Variants in FSTL5 observed in about 807,000 individuals in gnomAD.
FSTL5 encodes the protein follistatin-related protein 5.
FSTL5 carries 62 observed loss-of-function variants against 89.1 expected under a neutral mutation model. That is an observed-to-expected ratio of 0.70 (90% CI 0.57 to 0.86). The LOEUF (loss-of-function observed/expected upper bound fraction) is 0.86. Among genes scored for constraint, FSTL5 ranks in the 40% least tolerant of loss-of-function variants. FSTL5 has a pLI of 0.00. For missense variants in FSTL5, 1,057 were observed against 1,001.6 expected (o/e 1.06, Z -0.75); for synonymous variants, 383 against 346.2 (o/e 1.11, Z -1.18).
chr4:161,942,660 T>C (rs2110927541), intron 3 of FSTL5, among the ~76,000 whole-genome samples: 1 of 152,196 alleles, frequency 6.6e-6, no homozygotes, highest in Non-Finnish European at 1.5e-5. Flanking sequence ...GAAGCCAGAA[T>C]AACTGTCACA....
chr4:161,478,796 T>C (rs1479070686), intron 13 of FSTL5, among the ~76,000 whole-genome samples: 2 of 152,026 alleles, frequency 1.3e-5, no homozygotes, highest in East Asian at 3.9e-4. Context: ...TTTAAGCAAG[T>C]AGGTAACTAC....
chr4:161,635,531 T>A (rs1735658511), intron 7 of FSTL5, among the ~76,000 whole-genome samples: 1 of 151,342 alleles, frequency 6.6e-6, no homozygotes, highest in African/African-American at 2.4e-5. Context: ...TAACATCATA[T>A]AATACAAAAT....
intron 10 of FSTL5, among the ~76,000 whole-genome samples, chr4:161,521,572 G>A (rs1731023971): frequency 6.6e-6 from 1 of 152,006 alleles, no homozygotes; most frequent in South Asian, 2.1e-4. Flanking sequence ...CTGGTGGCCG[G>A]GCGCGGTGGC....
chr4:161,508,950 G>A (rs1026280733), intron 11 of FSTL5, among the ~76,000 whole-genome samples: 4 of 152,092 alleles, frequency 2.6e-5, no homozygotes, highest in African/African-American at 9.7e-5. Flanking sequence ...CCATTTCAAT[G>A]ATAAAATAAA....
intron 4 of FSTL5, among the ~76,000 whole-genome samples, chr4:161,907,544 T>C (rs557939629): frequency 6.6e-6 from 1 of 152,258 alleles, no homozygotes; most frequent in Non-Finnish European, 1.5e-5. Context: ...TTTCTCCTTA[T>C]AATATTCACT....
At chr4:161,524,537 CT>C (rs143130597) in intron 10 of FSTL5, among the ~76,000 whole-genome samples, 2,974 of 152,036 alleles carry the variant, frequency 0.02, 41 homozygotes, top group Non-Finnish European at 0.029. Context: ...TCTAATTTGG[CT>C]TTTTTTTCAT....
chr4:161,607,414 AATAT>A (rs1734491269), intron 7 of FSTL5, among the ~76,000 whole-genome samples: 1 of 152,142 alleles, frequency 6.6e-6, no homozygotes, highest in Non-Finnish European at 1.5e-5. Flanking sequence ...TGACAGCTGA[AATAT>A]ATATAATACT....
In FSTL5 at chr4:161,885,235, T is replaced by C. The variant is rs548730589; in HGVS notation, c.409+35169A>G. Among the ~76,000 whole-genome samples the C allele has an allele frequency of 3.9e-5, 6 of 152,252 alleles. No homozygotes were observed. The East Asian group carries it at 1.2e-3, about 29-fold the overall frequency. ...TAAAAGTTAAATAAACACAAAATCG[T>C]ATTTGATTCATATTTACATAAACTG... On this transcript the variant is annotated intron_variant, in intron 4 of 15. Transcript: ENST00000306100.
intron 2 of FSTL5, among the ~76,000 whole-genome samples, chr4:162,046,165 C>T (rs1467421722): frequency 6.6e-6 from 1 of 152,084 alleles, no homozygotes; most frequent in Non-Finnish European, 1.5e-5. Flanking sequence ...ACATGTCTAG[C>T]ACTGTGCTAT....
intron 6 of FSTL5, among the ~76,000 whole-genome samples, chr4:161,686,180 T>A (rs946585290): frequency 1.3e-5 from 2 of 150,740 alleles, no homozygotes; most frequent in Non-Finnish European, 3.0e-5. Context: ...AATTTTAGCA[T>A]CTATGTTCAT....
chr4:161,943,774 C>T (rs1734661000), intron 3 of FSTL5, among the ~76,000 whole-genome samples: 1 of 151,856 alleles, frequency 6.6e-6, no homozygotes, highest in South Asian at 2.1e-4. Context: ...CCAGCATGGT[C>T]TCGATCTCCT....
At chr4:161,880,492 AACTT>A (rs1732592885) in intron 4 of FSTL5, among the ~76,000 whole-genome samples, 1 of 152,026 alleles carries the variant, frequency 6.6e-6, no homozygotes, top group South Asian at 2.1e-4. Flanking sequence ...TAATAAATTA[AACTT>A]ACTATGACCT....
intron 3 of FSTL5, among the ~76,000 whole-genome samples, chr4:161,964,766 A>C (rs1735277688): frequency 1.3e-5 from 2 of 152,062 alleles, no homozygotes; most frequent in African/African-American, 2.4e-5. Flanking sequence ...ATAGTAGCAG[A>C]AATTTATGAA....
chr4:162,054,912 A>G (rs1738489838), intron 2 of FSTL5, among the ~76,000 whole-genome samples: 1 of 151,888 alleles, frequency 6.6e-6, no homozygotes, highest in Non-Finnish European at 1.5e-5. Flanking sequence ...TGTCCTAAAG[A>G]CATAAGAAAT....
intron 3 of FSTL5, among the ~76,000 whole-genome samples, chr4:161,996,435 T>G (rs1560959969): frequency 6.6e-6 from 1 of 152,204 alleles, no homozygotes; most frequent in Non-Finnish European, 1.5e-5. Flanking sequence ...TTCTAACTCC[T>G]TCACCTATCC....
chr4:162,063,598 T>C (rs905935191), intron 2 of FSTL5, among the ~76,000 whole-genome samples: 24 of 152,038 alleles, frequency 1.6e-4, no homozygotes, highest in African/African-American at 5.3e-4. Flanking sequence ...TATATGAGAA[T>C]ATGCTATCTT....
intron 2 of FSTL5, among the ~76,000 whole-genome samples, chr4:162,101,719 C>T (rs1187153262): frequency 4.6e-5 from 7 of 152,138 alleles, no homozygotes; most frequent in Non-Finnish European, 1.0e-4. Flanking sequence ...GGCTTGTATA[C>T]TGTAGGGTTT....
intron 6 of FSTL5, among the ~76,000 whole-genome samples, chr4:161,735,927 T>C: frequency 6.6e-6 from 1 of 151,750 alleles, no homozygotes; most frequent in East Asian, 1.9e-4. Context: ...AAAACAACTT[T>C]ATAAAAAAAA....
At chr4:161,546,536 T>A (rs555355725) in intron 8 of FSTL5, among the ~76,000 whole-genome samples, 2 of 151,390 alleles carry the variant, frequency 1.3e-5, no homozygotes, top group Admixed American at 6.6e-5. Context: ...AAAGTCAGAA[T>A]GAGAGCTAAA....
Sources: allele counts gnomAD v4.1 joint callset (sites outside exome capture counted in the v4.1 genomes callset), GRCh38; gene constraint gnomAD v4.1.1; transcripts MANE v1.5; gene names NCBI Gene and HGNC (gene_info 2026-07-23, HGNC 2026-07-21).